The following IMMP1L variants were observed in gnomAD, a reference collection of about 807,000 sequenced individuals.
The protein encoded by IMMP1L is inner mitochondrial membrane peptidase subunit 1, also known as mitochondrial inner membrane protease subunit 1.
Under a neutral mutation model 21.8 loss-of-function variants are expected in IMMP1L, and 24 were observed. The ratio of observed to expected loss-of-function variants is 1.10; its 90% CI spans 0.80 to 1.55. IMMP1L has a LOEUF of 1.55. IMMP1L is among the 40% of genes most tolerant of loss of function. The pLI, the probability that IMMP1L is intolerant of heterozygous loss-of-function variation, is 0.00. For missense variants in IMMP1L, 195 were observed against 200.7 expected (o/e 0.97, Z 0.17); for synonymous variants, 46 against 62.8 (o/e 0.73, Z 1.26).
intron 1 of IMMP1L, among the ~76,000 whole-genome samples, chr11:31,476,664 T>C (rs1954740337): frequency 6.6e-6 from 1 of 152,046 alleles, no homozygotes; most frequent in Non-Finnish European, 1.5e-5. Context: ...AAAATCCAAG[T>C]TCTATGAATA....
chr11:31,504,057 T>C (rs903306935), intron 1 of IMMP1L, among the ~76,000 whole-genome samples: 6 of 152,208 alleles, frequency 3.9e-5, no homozygotes, highest in African/African-American at 1.4e-4. Flanking sequence ...TACCGCTGCC[T>C]CACACCAAAC....
chr11:31,474,036 G>C (rs1175963918), intron 1 of IMMP1L, among the ~76,000 whole-genome samples: 2 of 152,084 alleles, frequency 1.3e-5, no homozygotes, highest in Non-Finnish European at 2.9e-5. Flanking sequence ...CATTAAGAAA[G>C]GGTGAGCAGA....
intron 1 of IMMP1L, among the ~76,000 whole-genome samples, chr11:31,478,723 T>C (rs924012007): frequency 3.3e-5 from 5 of 152,110 alleles, no homozygotes; most frequent in African/African-American, 1.2e-4. Flanking sequence ...TATGGTTTTC[T>C]CTAACTCATA....
intron 2 of IMMP1L, among the ~76,000 whole-genome samples, chr11:31,461,741 CATT>C (rs1233599433): frequency 6.6e-6 from 1 of 152,114 alleles, no homozygotes; most frequent in African/African-American, 2.4e-5. Flanking sequence ...CAAAATATCT[CATT>C]ATGTATATGC....
At chr11:31,465,013 A>G (rs1053685622) in intron 1 of IMMP1L, among the ~76,000 whole-genome samples, 1 of 152,152 alleles carries the variant, frequency 6.6e-6, no homozygotes, top group Non-Finnish European at 1.5e-5. Context: ...CTGGTTACAG[A>G]TGACATGATC....
chr11:31,435,658 A>G (rs1423389383), intron 4 of IMMP1L, among the ~76,000 whole-genome samples: 3 of 152,024 alleles, frequency 2.0e-5, no homozygotes, highest in South Asian at 2.1e-4. Flanking sequence ...CTTCTCTGTG[A>G]TATCTTTTTG....
At chr11:31,470,825 C>G (rs1391315990) in intron 1 of IMMP1L, among the ~76,000 whole-genome samples, 2 of 152,172 alleles carry the variant, frequency 1.3e-5, no homozygotes, top group Non-Finnish European at 2.9e-5. Context: ...AACAAGGCAA[C>G]ATGTATGAGC....
chr11:31,453,568 T>C lies in IMMP1L; in HGVS notation c.321+2692A>G, dbSNP rs543717650. Among the ~76,000 whole-genome samples the C allele has an allele frequency of 1.1e-4, 16 of 152,254 alleles. 1 individual carries two copies. The highest frequency in any genetic ancestry group is 8.5e-4 in the Admixed American group (13 of 15,296). The stretch of plus-strand genomic sequence containing the variant: ...TAAAAAAAGGGACACACGAGAGGGG[T>C]AGACCCTGCGAACATTTTGGCTATG... On this transcript the variant is annotated intron_variant, in intron 4 of 5. Coordinates refer to ENST00000532287, the MANE Select transcript of IMMP1L (RefSeq NM_001304274.2).
In IMMP1L at chr11:31,482,906, T is replaced by G. The variant is rs536246445; in HGVS notation, c.-29-19601A>C. ...GAAATACATATTAGAATGTTCATAATAGCATTATATAGAAACTACGCAAAT... is the reference window on the plus strand; with the variant it reads ...GAAATACATATTAGAATGTTCATAAGAGCATTATATAGAAACTACGCAAAT... On this transcript the variant is annotated intron_variant, in intron 1 of 5. Transcript: ENST00000532287. Among the ~76,000 whole-genome samples, 139 of 152,138 alleles carry G rather than the reference T, an allele frequency of 9.1e-4. 1 individual carries two copies. Among genetic ancestry groups the G allele is most frequent in the Non-Finnish European group, 1.7e-3 (116 of 67,922 alleles).
chr11:31,433,578 TAGAG>T lies in IMMP1L; in HGVS notation c.322-12_322-9del, dbSNP rs1217642850. 5.8e-6 allele frequency: 9 copies of T among 1,557,974 alleles called. No homozygotes were observed. The highest frequency in any genetic ancestry group is 1.4e-5 in the African/African-American group (1 of 73,462). On this transcript the variant is annotated splice_polypyrimidine_tract_variant and intron_variant, in intron 4 of 5. Coordinates refer to ENST00000532287, the MANE Select transcript of IMMP1L (RefSeq NM_001304274.2). The stretch of plus-strand genomic sequence containing the variant: ...AACATGACCCATTGGCACCTAGAAT[TAGAG>T]AAGAAATGCAGCCTCTTAAAGATAA...
intron 4 of IMMP1L, among the ~76,000 whole-genome samples, chr11:31,446,795 T>C (rs2133587079): frequency 6.6e-6 from 1 of 152,346 alleles, no homozygotes; most frequent in Middle Eastern, 3.4e-3. Context: ...TATCCTTGTG[T>C]CTTATCAAAG....
intron 2 of IMMP1L, among the ~76,000 whole-genome samples, 189 bp downstream of exon 2, chr11:31,462,983 A>G (rs1434433050): frequency 6.6e-6 from 1 of 152,186 alleles, no homozygotes; most frequent in Non-Finnish European, 1.5e-5. Flanking sequence ...TGGTCCTTAT[A>G]CCTTCTATCA....
intron 1 of IMMP1L, among the ~76,000 whole-genome samples, chr11:31,491,795 A>T (rs1955264353): frequency 6.6e-6 from 1 of 152,226 alleles, no homozygotes. Flanking sequence ...CTAGAAACAG[A>T]GATGAGATTA....
At chr11:31,471,974 C>T (rs1279400595) in intron 1 of IMMP1L, among the ~76,000 whole-genome samples, 2 of 152,166 alleles carry the variant, frequency 1.3e-5, no homozygotes, top group African/African-American at 4.8e-5. Context: ...ACTAACATTC[C>T]TTTACTCATA....
rs554529749 is a variant in IMMP1L at position 31,433,494 on chromosome 11, G to A, written c.398C>T (p.Pro133Leu). ...STDSRCYGPIPYGLIRGRIFF... is the reference protein window; with the variant it reads ...STDSRCYGPILYGLIRGRIFF... ...GATTCGTCCTCTTATTAGTCCATAT[G>A]GAATAGGTCCATAGCACCTGGAATC... Residue 133 changes from proline to leucine, a missense_variant, in exon 5 of 6, where the codon CCA (proline) becomes CTA (leucine). Pro to Leu is a moderately conservative substitution (Grantham distance 98). Coordinates refer to ENST00000532287, the MANE Select transcript of IMMP1L (RefSeq NM_001304274.2). 6 of 1,607,554 alleles carry A rather than the reference G, an allele frequency of 3.7e-6. No homozygotes were observed. The African/African-American group carries it at 6.7e-5, about 18-fold the overall frequency.
intron 1 of IMMP1L, 58 bp from the exon 2 acceptor site, chr11:31,463,363 T>A: frequency 7.2e-7 from 1 of 1,398,276 alleles, no homozygotes; most frequent in Non-Finnish European, 9.4e-7. Flanking sequence ...ACTTAAGAAA[T>A]AACTATTGTA....
intron 2 of IMMP1L, among the ~76,000 whole-genome samples, chr11:31,461,462 T>C (rs1954136361): frequency 1.3e-5 from 2 of 152,134 alleles, no homozygotes; most frequent in Admixed American, 1.3e-4. Context: ...AAAACAATAA[T>C]CTTGATATAT....
At chr11:31,480,833 CAGTCTGAGTTAATCTCCAGACATCCAA>C (rs1404924808) in intron 1 of IMMP1L, among the ~76,000 whole-genome samples, 3 of 152,170 alleles carry the variant, frequency 2.0e-5, no homozygotes, top group Non-Finnish European at 4.4e-5. Flanking sequence ...CAATGATATT[CAGTCTGAGTTAATCTCCAGACATCCAA>C]ATTCATGAAT....
At chr11:31,492,089 C>G (rs189829780) in intron 1 of IMMP1L, among the ~76,000 whole-genome samples, 51 of 152,276 alleles carry the variant, frequency 3.3e-4, no homozygotes, top group Non-Finnish European at 1.3e-4. Context: ...AGCATCAAAG[C>G]CAGGCATTGA....
Sources: gnomAD v4.1 joint callset for allele counts (sites outside exome capture counted in the v4.1 genomes callset) on GRCh38, gnomAD v4.1.1 for gene constraint, MANE v1.5 for transcripts, NCBI Gene and HGNC (gene_info 2026-07-23, HGNC 2026-07-21) for gene names.